The following TMEM179 variants were observed in gnomAD, a reference collection of about 807,000 sequenced individuals.
The protein encoded by TMEM179 is transmembrane protein 179.
TMEM179 carries 17 observed loss-of-function variants against 22.2 expected under a neutral mutation model. That is an observed-to-expected ratio of 0.77 (90% CI 0.52 to 1.15). The LOEUF (loss-of-function observed/expected upper bound fraction) is 1.15, where lower values mean the gene tolerates loss of function less well. TMEM179 is among the 50% of genes most tolerant of loss of function. TMEM179 has a pLI of 0.00. For synonymous variants in TMEM179, 127 were observed against 140.5 expected (o/e 0.90, Z 0.68); for missense variants, 265 against 313.6 (o/e 0.84, Z 1.17).
chr14:104,594,451 C>G (rs1373613611), intron 3 of TMEM179: 41 of 1,231,694 alleles, frequency 3.3e-5, no homozygotes, highest in Non-Finnish European at 4.0e-5. Flanking sequence ...TGGTCTCAGC[C>G]ACCCCCACCC....
At chr14:104,596,403 C>A (rs1887023808) in intron 2 of TMEM179, among the ~76,000 whole-genome samples, 1 of 152,182 alleles carries the variant, frequency 6.6e-6, no homozygotes, top group Non-Finnish European at 1.5e-5. Context: ...CCAGAGGGAC[C>A]ACCATGGCTC....
At chr14:104,600,102 G>C (rs1420958775) in intron 1 of TMEM179, among the ~76,000 whole-genome samples, 1 of 152,212 alleles carries the variant, frequency 6.6e-6, no homozygotes, top group African/African-American at 2.4e-5. Flanking sequence ...GACAGCCTCG[G>C]TCTGTTCCTC....
At chr14:104,603,226 T>C (rs1887297288) in intron 1 of TMEM179, among the ~76,000 whole-genome samples, 1 of 152,098 alleles carries the variant, frequency 6.6e-6, no homozygotes, top group African/African-American at 2.4e-5. Context: ...CTTCTTCCCC[T>C]CTCTGGCCCC....
rs1055407937 is a variant in TMEM179, at chr14:104,604,542, G to A, written c.200C>T (p.Pro67Leu). 1.9e-6 allele frequency: 3 copies of A among 1,538,814 alleles called. No homozygotes were observed. The highest frequency in any genetic ancestry group is 2.8e-5 in the African/African-American group (2 of 71,140). Reference protein sequence around the residue: ...RERFTVQEWGPPAACRFSLLA... With the variant: ...RERFTVQEWGLPAACRFSLLA... The stretch of plus-strand genomic sequence containing the variant: ...CAGGCTGAAGCGGCAGGCGGCCGGC[G>A]GGCCCCACTCCTGCACCGTGAAGCG... The change falls in exon 1 of 4, where the codon CCG (proline) becomes CTG (leucine). Residue 67 changes from proline to leucine, a missense_variant. Transcript: ENST00000556573. This position sits in a 1 kb window ranked among gnomAD's most constrained non-coding sequence, Gnocchi z 4.6.
At chr14:104,600,381 T>C (rs1887193467) in intron 1 of TMEM179, among the ~76,000 whole-genome samples, 3 of 152,178 alleles carry the variant, frequency 2.0e-5, no homozygotes, top group East Asian at 1.9e-4. Flanking sequence ...AGCCCAGCAA[T>C]GTGAAGGCTC....
At position 104,597,241 on chromosome 14, in the gene TMEM179, G is replaced by A; in HGVS notation, c.306-114C>T. On this transcript the variant is annotated intron_variant, in intron 1 of 3. Coordinates refer to ENST00000556573, the MANE Select transcript of TMEM179 (RefSeq NM_001286389.2). This position sits in a 1 kb window ranked among gnomAD's most constrained non-coding sequence, Gnocchi z 4.8. Reference sequence around the variant, plus strand: ...CAGGCTCACTGGACGCCATCTCCTGGGCAACCCCCACCAGCAGCACCCCCC... The same window carrying A: ...CAGGCTCACTGGACGCCATCTCCTGAGCAACCCCCACCAGCAGCACCCCCC... 1 of 1,401,110 alleles carries A rather than the reference G, an allele frequency of 7.1e-7. No individual in the cohort carries two copies. Among genetic ancestry groups the A allele is most frequent in the Non-Finnish European group, 9.5e-7 (1 of 1,051,566 alleles). The allele number at this position is 1,401,110 out of a possible 1,614,324, so 86.8% of individuals were successfully genotyped here. A position where few individuals can be genotyped will look rare whatever the true frequency, so the allele number is the denominator to read the frequency against.
chr14:104,600,609 T>C (rs1338963477), intron 1 of TMEM179, among the ~76,000 whole-genome samples: 1 of 151,816 alleles, frequency 6.6e-6, no homozygotes, highest in African/African-American at 2.4e-5. Flanking sequence ...CATTCATTCA[T>C]TTACTCATTC....
chr14:104,596,952 G>T, intron 2 of TMEM179, 38 bp downstream of exon 2: 1 of 1,589,332 alleles, frequency 6.3e-7, no homozygotes, highest in Non-Finnish European at 8.5e-7. Context: ...ATCTTCCGGG[G>T]AGGTGGGCGG....
chr14:104,593,691 G>A (rs1459678209), intron 3 of TMEM179, 33 bp from the exon 4 acceptor site: 48 of 1,439,816 alleles, frequency 3.3e-5, no homozygotes, highest in South Asian at 1.0e-4. Context: ...GTCAGAAGCC[G>A]TTGGGGGTCC....
Position 104,594,398 on chromosome 14 carries a change from G to A in TMEM179, c.523-740C>T, listed in dbSNP as rs1309694676. On this transcript the variant is annotated intron_variant, in intron 3 of 3. Transcript: ENST00000556573. ...CAGCCTGGGGTCCGGAATTGGACCTGAAGCCAGCGGGCCCTGATCAGTGCT... is the reference window on the plus strand; with the variant it reads ...CAGCCTGGGGTCCGGAATTGGACCTAAAGCCAGCGGGCCCTGATCAGTGCT... 11 of 1,231,790 alleles carry A rather than the reference G, an allele frequency of 8.9e-6. No homozygotes were observed. In the East Asian group the frequency reaches 3.5e-4, roughly 39 times the overall value. 76.3% of individuals were successfully genotyped at this position (1,231,790 alleles called of 1,614,324 possible).
intron 1 of TMEM179, among the ~76,000 whole-genome samples, chr14:104,601,465 T>A (rs891478693): frequency 9.2e-5 from 14 of 151,980 alleles, no homozygotes; most frequent in African/African-American, 3.4e-4. Flanking sequence ...TAGGGTGGGG[T>A]CCCCTGGGGG....
chr14:104,592,473 G>T lies in TMEM179; in HGVS notation c.*1006C>A, dbSNP rs3809457. 0.83 allele frequency: 127,056 copies of T among 152,572 alleles called. 53,809 individuals carry two copies. Among genetic ancestry groups the T allele is most frequent in the Middle Eastern group, 0.91 (273 of 300 alleles). The allele number at this position is 152,572 out of a possible 1,614,324, so 9.5% of individuals were successfully genotyped here. A position where few individuals can be genotyped will look rare whatever the true frequency, so the allele number is the denominator to read the frequency against. On this transcript the variant is annotated 3_prime_UTR_variant, in exon 4 of 4. Coordinates refer to ENST00000556573, the MANE Select transcript of TMEM179 (RefSeq NM_001286389.2). ...ACATGCAGTCACACATTCACTCACA[G>T]GCAGTCACACTCTCATGCACTCAGT...
intron 3 of TMEM179, 51 bp from the exon 4 acceptor site, chr14:104,593,709 G>T: frequency 7.0e-7 from 1 of 1,429,522 alleles, no homozygotes; most frequent in Non-Finnish European, 9.1e-7. Flanking sequence ...TCCGCTGTCA[G>T]TGCAACCCCC....
At position 104,594,649 on chromosome 14, in the gene TMEM179, G is replaced by A. The variant is rs370704466; in HGVS notation, c.522+516C>T. 8,014 of 1,220,046 alleles carry A rather than the reference G, an allele frequency of 6.6e-3. 39 individuals carry two copies. Among genetic ancestry groups the A allele is most frequent in the Non-Finnish European group, 7.4e-3 (7,296 of 980,970 alleles). 75.6% of individuals were successfully genotyped at this position (1,220,046 alleles called of 1,614,324 possible). A position where few individuals can be genotyped will look rare whatever the true frequency, so the allele number is the denominator to read the frequency against. On this transcript the variant is annotated intron_variant, in intron 3 of 3. Coordinates refer to ENST00000556573, the MANE Select transcript of TMEM179 (RefSeq NM_001286389.2). ...CCTCCACCAAGTCTCCTAGGGGGCGGGGGACGCAGCTTATACAAGGGCAGG... is the reference window on the plus strand; with the variant it reads ...CCTCCACCAAGTCTCCTAGGGGGCGAGGGACGCAGCTTATACAAGGGCAGG...
chr14:104,593,685 G>T (rs1886916282), intron 3 of TMEM179, 27 bp from the exon 4 acceptor site: 3 of 1,446,548 alleles, frequency 2.1e-6, no homozygotes, highest in Non-Finnish European at 2.7e-6. Flanking sequence ...GTCAGGGTCA[G>T]AAGCCGTTGG....
In TMEM179 at chr14:104,595,766, C is replaced by G. The variant is rs1313024412; in HGVS notation, c.444-523G>C. Among the ~76,000 whole-genome samples the G allele has an allele frequency of 6.6e-6, 1 of 152,232 alleles. No homozygotes were observed. The highest frequency in any genetic ancestry group is 1.5e-5 in the Non-Finnish European group (1 of 68,038). The stretch of plus-strand genomic sequence containing the variant: ...AGAAGCTCTGCCCCCATCACGGAGG[C>G]ATCTGTGGAAGCAGTGGGCATCAGA... On this transcript the variant is annotated intron_variant, in intron 2 of 3. Transcript: ENST00000556573. The surrounding 1 kb of genome is among the most constrained non-coding windows in gnomAD (Gnocchi z 5.7).
intron 3 of TMEM179, among the ~76,000 whole-genome samples, 179 bp from the exon 4 acceptor site, chr14:104,593,837 A>G (rs934680518): frequency 3.3e-5 from 5 of 152,238 alleles, no homozygotes; most frequent in African/African-American, 1.2e-4. Flanking sequence ...CAAGCTTCTG[A>G]GTTCCTTCCT....
rs375194456 is a variant in TMEM179, at chr14:104,591,761, T to C, written c.*1718A>G. Reference sequence around the variant, plus strand: ...TGCTGATGGTGGACAGGGTGGGTCATGAACTCAGGGAGCCAGGGGCTCGCC... The same window carrying C: ...TGCTGATGGTGGACAGGGTGGGTCACGAACTCAGGGAGCCAGGGGCTCGCC... On this transcript the variant is annotated 3_prime_UTR_variant, in exon 4 of 4. Transcript: ENST00000556573. 13 of 235,192 alleles carry C rather than the reference T, an allele frequency of 5.5e-5. No homozygotes were observed. In the South Asian group the frequency reaches 5.6e-4, roughly 10 times the overall value. 14.6% of individuals were successfully genotyped at this position (235,192 alleles called of 1,614,324 possible). A position where few individuals can be genotyped will look rare whatever the true frequency, so the allele number is the denominator to read the frequency against.
intron 2 of TMEM179, among the ~76,000 whole-genome samples, chr14:104,596,054 C>A (rs1018994562): frequency 6.6e-6 from 1 of 152,224 alleles, no homozygotes; most frequent in Non-Finnish European, 1.5e-5. Context: ...CGATGAGGCA[C>A]AGGGCACAGC....
Sources: gnomAD v4.1 joint callset for allele counts (sites outside exome capture counted in the v4.1 genomes callset) on GRCh38, gnomAD v4.1.1 for gene constraint, Gnocchi (gnomAD v3.1) non-coding constraint, MANE v1.5 for transcripts, NCBI Gene and HGNC (gene_info 2026-07-23, HGNC 2026-07-21) for gene names.